CELF2: variants seen among roughly 807,000 people sequenced by gnomAD.
CELF2 encodes the protein CUGBP Elav-like family member 2, also known as CUG triplet repeat RNA-binding protein 2.
CELF2 carries 8 observed loss-of-function variants against 62.6 expected under a neutral mutation model. The observed-to-expected ratio is 0.13, with a 90% CI of 0.07 to 0.23. The LOEUF (loss-of-function observed/expected upper bound fraction) is 0.23. CELF2 is among the 10% of genes least tolerant of loss of function. CELF2 has a pLI of 1.00. For missense variants in CELF2, 333 were observed against 671.0 expected (o/e 0.50, Z 5.56); for synonymous variants, 258 against 250.0 (o/e 1.03, Z -0.30).
intron 2 of CELF2, among the ~76,000 whole-genome samples, chr10:10,930,582 A>G (rs2065958709): frequency 6.6e-6 from 1 of 152,116 alleles, no homozygotes; most frequent in African/African-American, 2.4e-5. Context: ...CGCCATAGAG[A>G]ATTGGAGATT....
At chr10:11,226,606 AC>A (rs67476657) in intron 3 of CELF2, among the ~76,000 whole-genome samples, 129,298 of 147,460 alleles carry the variant, frequency 0.88, 56,416 homozygotes, top group Non-Finnish European at 0.95. Context: ...GTGGCCACAC[AC>A]ACACACACAC....
the CELF2 span, among the ~76,000 whole-genome samples, chr10:10,731,307 G>A: frequency 2.0e-5 from 3 of 151,732 alleles, no homozygotes; most frequent in Non-Finnish European, 4.4e-5. Context: ...TGCCCATTTA[G>A]CCAATATAGA....
chr10:11,209,296 G>A (rs2061202051), intron 2 of CELF2, among the ~76,000 whole-genome samples: 2 of 152,092 alleles, frequency 1.3e-5, no homozygotes, highest in Non-Finnish European at 2.9e-5. Context: ...CTCCTAGAAA[G>A]CAAGCACTGC....
At chr10:10,980,065 C>T (rs553381862) in intron 2 of CELF2, among the ~76,000 whole-genome samples, 1 of 152,300 alleles carries the variant, frequency 6.6e-6, no homozygotes, top group Non-Finnish European at 1.5e-5. Context: ...AGTCATCAGA[C>T]TTCATTTTTT....
chr10:11,202,209 C>T (rs555619843), intron 2 of CELF2, among the ~76,000 whole-genome samples: 1 of 152,150 alleles, frequency 6.6e-6, no homozygotes, highest in East Asian at 1.9e-4. Flanking sequence ...CATAGGTCAG[C>T]GTATAAGATT....
intron 1 of CELF2, among the ~76,000 whole-genome samples, chr10:10,895,831 C>T (rs949855510): frequency 6.6e-6 from 1 of 152,090 alleles, no homozygotes; most frequent in Non-Finnish European, 1.5e-5. Context: ...GGGCAGTGAT[C>T]TTTCAGTGAT....
the CELF2 span, among the ~76,000 whole-genome samples, chr10:10,738,507 G>A: frequency 2.6e-5 from 4 of 152,280 alleles, no homozygotes; most frequent in East Asian, 7.7e-4. Flanking sequence ...GACATGACGA[G>A]AATGCCTCTT....
chr10:10,691,572 G>C, the CELF2 span, among the ~76,000 whole-genome samples: 10 of 151,996 alleles, frequency 6.6e-5, no homozygotes, highest in African/African-American at 2.4e-4. Flanking sequence ...GATCCCTGAG[G>C]AATCACCACA....
rs534310768 is a variant in CELF2 at position 11,086,673 on chromosome 10, G to A, written c.74+68510G>A. Among the ~76,000 whole-genome samples the A allele has an allele frequency of 1.8e-3, 260 of 146,802 alleles. 3 individuals are homozygous for A. The highest frequency in any genetic ancestry group is 2.9e-3 in the Non-Finnish European group (195 of 67,698). Reference sequence around the variant, plus strand: ...CAGCCTGAGCAATAAATCTCTCGAGGCATTCAGCAAGTGCCACAGGGCTCA... The same window carrying A: ...CAGCCTGAGCAATAAATCTCTCGAGACATTCAGCAAGTGCCACAGGGCTCA... On this transcript the variant is annotated intron_variant, in intron 1 of 12. Transcript: ENST00000633077.
the CELF2 span, among the ~76,000 whole-genome samples, chr10:10,586,910 T>G: frequency 6.6e-6 from 1 of 152,182 alleles, no homozygotes; most frequent in African/African-American, 2.4e-5. Context: ...CTTTAATGTT[T>G]CTTCCTGCTC....
chr10:10,877,574 C>T (rs1017533057), intron 1 of CELF2, among the ~76,000 whole-genome samples: 1 of 152,172 alleles, frequency 6.6e-6, no homozygotes, highest in African/African-American at 2.4e-5. Flanking sequence ...GGCAGTTTTG[C>T]CCTGAGCAGT....
intron 2 of CELF2, among the ~76,000 whole-genome samples, chr10:10,976,933 C>A (rs1394214437): frequency 6.6e-6 from 1 of 152,174 alleles, no homozygotes; most frequent in East Asian, 1.9e-4. Flanking sequence ...ACGGCTCAAG[C>A]ACAGACTTTT....
intron 2 of CELF2, among the ~76,000 whole-genome samples, chr10:11,186,928 G>C (rs1274451219): frequency 6.6e-6 from 1 of 152,148 alleles, no homozygotes; most frequent in East Asian, 1.9e-4. Context: ...TATGGCTTAA[G>C]AACTCTTAAA....
intron 1 of CELF2, among the ~76,000 whole-genome samples, chr10:10,830,137 G>A (rs964201848): frequency 2.0e-5 from 3 of 152,066 alleles, no homozygotes; most frequent in Non-Finnish European, 4.4e-5. Flanking sequence ...AGTTGTATAA[G>A]ACTCCTCTTT....
chr10:10,900,682 G>A (rs1020922214), intron 1 of CELF2, among the ~76,000 whole-genome samples: 4 of 152,134 alleles, frequency 2.6e-5, no homozygotes, highest in Admixed American at 6.5e-5. Flanking sequence ...CTCTCCACTC[G>A]CATTCAACAT....
At chr10:11,005,223 CTAGGGAAGAGA>C, upstream of CELF2, 1 of 1,484,358 alleles carries the variant, frequency 6.7e-7, no homozygotes, top group Non-Finnish European at 8.9e-7. The surrounding 1 kb of genome is among the most constrained non-coding windows in gnomAD (Gnocchi z 4.3). Flanking sequence ...CAGCATTTGA[CTAGGGAAGAGA>C]GTGGGAAGAC....
chr10:10,854,913 A>G (rs2059613795), intron 1 of CELF2, among the ~76,000 whole-genome samples: 1 of 151,880 alleles, frequency 6.6e-6, no homozygotes. Context: ...AGGGGAGGAA[A>G]ATCTGAGCCA....
the CELF2 span, among the ~76,000 whole-genome samples, chr10:10,638,038 C>T: frequency 2.6e-5 from 4 of 152,130 alleles, no homozygotes; most frequent in African/African-American, 9.7e-5. Context: ...TTGAGAAATA[C>T]TCACTTCAAT....
At chr10:11,004,871 G>A (rs543029515), upstream of CELF2, among the ~76,000 whole-genome samples, 69 of 152,148 alleles carry the variant, frequency 4.5e-4, no homozygotes, top group Non-Finnish European at 7.8e-4. This position sits in a 1 kb window ranked among gnomAD's most constrained non-coding sequence, Gnocchi z 5.0. Flanking sequence ...AGAAAAGAGA[G>A]GCAAAAATCC....
Sources: gnomAD v4.1 joint callset for allele counts (sites outside exome capture counted in the v4.1 genomes callset) on GRCh38, gnomAD v4.1.1 for gene constraint, Gnocchi (gnomAD v3.1) non-coding constraint, MANE v1.5 for transcripts, NCBI Gene and HGNC (gene_info 2026-07-23, HGNC 2026-07-21) for gene names.